Variants in DPY30 observed in about 807,000 individuals in gnomAD.
DPY30 encodes protein dpy-30 homolog.
DPY30 carries 6 observed loss-of-function variants against 16.2 expected under a neutral mutation model. The observed-to-expected ratio is 0.37, with a 90% confidence interval of 0.20 to 0.73. DPY30 has a LOEUF of 0.73. Among genes scored for constraint, DPY30 ranks in the 30% least tolerant of loss-of-function variants. DPY30 has a pLI of 0.51. For missense variants in DPY30, 73 were observed against 113.1 expected, an observed-to-expected ratio of 0.65 and a Z score of 1.61; for synonymous variants, 39 against 38.8, an observed-to-expected ratio of 1.00 and a Z score of -0.02.
chr2:32,029,919 GCTCT>G (rs971463042), intron 3 of DPY30, among the ~76,000 whole-genome samples, 183 bp from the exon 4 acceptor site: 2 of 151,942 alleles, frequency 1.3e-5, no homozygotes, highest in Non-Finnish European at 1.5e-5. Flanking sequence ...TCTCATTCAA[GCTCT>G]CTCTCTCCAA....
At chr2:32,023,350 T>G (rs1675225899), downstream of DPY30, 1 of 455,162 alleles carries the variant, frequency 2.2e-6, no homozygotes, top group Non-Finnish European at 4.5e-6. Context: ...GCTGCTGCTT[T>G]TTATTGCAAA....
At chr2:32,019,746 G>T (rs1675135389), downstream of DPY30, among the ~76,000 whole-genome samples, 1 of 149,218 alleles carries the variant, frequency 6.7e-6, no homozygotes, top group African/African-American at 2.5e-5. Context: ...CTTGAACCCA[G>T]GAGGCAGAGG....
At chr2:32,031,660 C>T (rs893849273) in intron 3 of DPY30, among the ~76,000 whole-genome samples, 23 of 151,402 alleles carry the variant, frequency 1.5e-4, no homozygotes, top group African/African-American at 4.9e-4. Context: ...TTTGAGAGGC[C>T]CAAGAGGGCG....
intron 2 of DPY30, 24 bp from the exon 3 acceptor site, chr2:32,039,350 AG>A (rs1052024500): frequency 1.9e-6 from 3 of 1,614,052 alleles, no homozygotes; most frequent in Non-Finnish European, 1.7e-6. Flanking sequence ...CACCGGTCAC[AG>A]AGATATAAGT....
intron 3 of DPY30, among the ~76,000 whole-genome samples, chr2:32,037,897 GATAA>G (rs1675807211): frequency 6.6e-6 from 1 of 151,766 alleles, no homozygotes; most frequent in Non-Finnish European, 1.5e-5. Flanking sequence ...ATTCAGTTTG[GATAA>G]ATGAGAGTAA....
At chr2:32,013,209 ATT>A (rs1253614671) in intron 5 of DPY30, 1 of 152,178 alleles carries the variant, frequency 6.6e-6, no homozygotes, top group Non-Finnish European at 1.5e-5. Context: ...CTTTATAAAT[ATT>A]TGTTCTTATT....
chr2:32,029,810 G>A, intron 3 of DPY30, 74 bp from the exon 4 acceptor site: 1 of 1,531,908 alleles, frequency 6.5e-7, no homozygotes, highest in African/African-American at 1.4e-5. Context: ...CAAAACTAAT[G>A]GAAATATGAC....
chr2:32,014,595 T>A (rs1675027969), intron 5 of DPY30, among the ~76,000 whole-genome samples: 1 of 152,154 alleles, frequency 6.6e-6, no homozygotes, highest in South Asian at 2.1e-4. Context: ...GCCATTCTCC[T>A]GCCTCAGCCT....
chr2:32,023,606 C>T, downstream of DPY30: 2 of 697,502 alleles, frequency 2.9e-6, no homozygotes, highest in Non-Finnish European at 4.6e-6. Context: ...ATGTTGATAA[C>T]ATTAGAAGAT....
chr2:32,033,084 G>A (rs937597099), intron 3 of DPY30, among the ~76,000 whole-genome samples: 1 of 150,366 alleles, frequency 6.7e-6, no homozygotes, highest in African/African-American at 2.5e-5. Context: ...GCCGAGGCAG[G>A]TGGATCACCT....
chr2:32,035,795 A>T (rs188734364), intron 3 of DPY30, among the ~76,000 whole-genome samples: 6 of 151,678 alleles, frequency 4.0e-5, no homozygotes, highest in Non-Finnish European at 8.8e-5. Flanking sequence ...TTAGCTGGGC[A>T]TGGTAGCGGG....
chr2:32,039,224 T>C (rs1279967902), intron 3 of DPY30, 55 bp downstream of exon 3: 1 of 1,612,512 alleles, frequency 6.2e-7, no homozygotes, highest in East Asian at 2.2e-5. Flanking sequence ...GATCCCAAGT[T>C]TTCTCCAGCT....
chr2:32,035,023 C>T (rs898858740), intron 3 of DPY30, among the ~76,000 whole-genome samples: 1 of 151,452 alleles, frequency 6.6e-6, no homozygotes, highest in African/African-American at 2.4e-5. Flanking sequence ...AAAGGTAAAT[C>T]GCTTGAACCC....
chr2:32,020,522 A>G (rs193131671), downstream of DPY30, among the ~76,000 whole-genome samples: 93 of 152,176 alleles, frequency 6.1e-4, 3 homozygotes, highest in East Asian at 0.014. Flanking sequence ...TAAATAAATA[A>G]AGTATTAAAA....
chr2:32,032,214 C>A (rs1288402533), intron 3 of DPY30, among the ~76,000 whole-genome samples: 1 of 152,070 alleles, frequency 6.6e-6, no homozygotes, highest in South Asian at 2.1e-4. Context: ...AGATAATTTT[C>A]TATGAAATAC....
intron 3 of DPY30, 23 bp downstream of exon 3, chr2:32,039,256 G>C: frequency 6.2e-7 from 1 of 1,614,110 alleles, no homozygotes; most frequent in Non-Finnish European, 8.5e-7. Flanking sequence ...ACACAGATGA[G>C]GCATAGGAAC....
At chr2:32,029,449 G>A (rs770246871) in intron 4 of DPY30, 145 bp downstream of exon 4, 178 of 920,190 alleles carry the variant, frequency 1.9e-4, no homozygotes, top group Non-Finnish European at 2.8e-4. Flanking sequence ...TCTGAATTAT[G>A]AGATTATGGC....
chr2:32,012,205 C>T (rs1392111226), intron 5 of DPY30, among the ~76,000 whole-genome samples: 3 of 152,042 alleles, frequency 2.0e-5, no homozygotes, highest in African/African-American at 7.2e-5. Flanking sequence ...CCTTCTCCAA[C>T]TTCAGGGCCC....
intron 4 of DPY30, 64 bp from the exon 5 acceptor site, chr2:32,024,320 T>C: frequency 2.5e-6 from 3 of 1,188,172 alleles, no homozygotes; most frequent in Admixed American, 2.3e-5. Context: ...TTTAAACATA[T>C]TGTTCCATAA....
Sources: gnomAD v4.1 joint callset for allele counts (sites outside exome capture counted in the v4.1 genomes callset) on GRCh38, gnomAD v4.1.1 for gene constraint, MANE v1.5 for transcripts, NCBI Gene and HGNC (gene_info 2026-07-23, HGNC 2026-07-21) for gene names.